The following CHRNE variants were observed in gnomAD, a reference collection of about 807,000 sequenced individuals.
CHRNE encodes acetylcholine receptor subunit epsilon.
Under a neutral mutation model 56.5 loss-of-function variants are expected in CHRNE, and 58 were observed. The ratio of observed to expected loss-of-function variants is 1.03; its 90% CI spans 0.83 to 1.28. CHRNE has a LOEUF of 1.28. Among genes scored for constraint, CHRNE ranks in the 50% most tolerant of loss-of-function variants. The pLI, the probability that CHRNE is intolerant of heterozygous loss-of-function variation, is 0.00. For synonymous variants in CHRNE, 385 were observed against 297.9 expected (o/e 1.29, Z -3.01); for missense variants, 793 against 688.9 (o/e 1.15, Z -1.69).
At chr17:4,901,752 C>T in intron 5 of CHRNE, 127 bp from the exon 6 acceptor site, 2 of 1,243,708 alleles carry the variant, frequency 1.6e-6, no homozygotes, top group African/African-American at 1.5e-5. Context: ...CAAGCCCAGC[C>T]CGCACGCCTC....
rs1969853139 is a variant in CHRNE, at chr17:4,899,268, C to T, written c.1149G>A (p.Glu383=). 1.2e-6 allele frequency: 2 copies of T among 1,603,272 alleles called. No homozygotes were observed. Among genetic ancestry groups the T allele is most frequent in the Admixed American group, 1.7e-5 (1 of 59,888 alleles). ...SSVGLLLRAE[E]LILKKPRSEL... ...CGCTCCGTGGCTTTTTCAGTATCAGCTCCTCCGCGCGGAGCAATAAGCCCA... is the reference window on the plus strand; with the variant it reads ...CGCTCCGTGGCTTTTTCAGTATCAGTTCCTCCGCGCGGAGCAATAAGCCCA... Residue 383 remains glutamate (E), a synonymous_variant, in exon 10 of 12, where the codon GAG becomes GAA. Transcript: ENST00000649488.
At chr17:4,901,360 G>A (rs1422667785) in intron 6 of CHRNE, 165 bp downstream of exon 6, 2 of 941,692 alleles carry the variant, frequency 2.1e-6, no homozygotes, top group African/African-American at 3.2e-5. Flanking sequence ...AAGCCAGAAG[G>A]CAGGACTAGA....
chr17:4,899,793 C>T lies in CHRNE; in HGVS notation c.918-211G>A, dbSNP rs757103797. On this transcript the variant is annotated intron_variant, in intron 8 of 11. Transcript: ENST00000649488. ...GGGGACCCCCAGCTCCCTGGACACC[C>T]TGATGTGGATCTACCACTTCCACAG... 1.9e-5 allele frequency: 29 copies of T among 1,551,234 alleles called. No homozygotes were observed. In the African/African-American group the frequency reaches 3.1e-4, roughly 17 times the overall value.
In CHRNE at chr17:4,902,299, T is replaced by G. The variant is rs1376297750; in HGVS notation, c.262A>C (p.Ser88Arg). ...TCTATACCCCCAAAGTCGTCCTTGC[T>G]GTAGTTGAGTCGGTAATCCTGCCAA... ...IDWQDYRLNYSKDDFGGIETL... is the reference protein window; with the variant it reads ...IDWQDYRLNYRKDDFGGIETL... Residue 88 changes from serine (S) to arginine (R), a missense_variant, in exon 4 of 12, where the codon AGC becomes CGC. By Grantham distance (110) the Ser-to-Arg change is moderately radical (BLOSUM62 -1). Coordinates refer to ENST00000649488, the MANE Select transcript of CHRNE (RefSeq NM_000080.4). The surrounding 1 kb of genome is among the most constrained non-coding windows in gnomAD (Gnocchi z 4.0). The G allele has an allele frequency of 4.3e-6, 7 of 1,614,146 alleles. No homozygotes were observed. Among genetic ancestry groups the G allele is most frequent in the Non-Finnish European group, 5.9e-6 (7 of 1,180,002 alleles).
chr17:4,901,195 G>A lies in CHRNE; in HGVS notation c.602-5C>T, dbSNP rs764599384. 3.1e-6 allele frequency: 5 copies of A among 1,601,174 alleles called. No homozygotes were observed. Among genetic ancestry groups the A allele is most frequent in the Non-Finnish European group, 4.2e-6 (5 of 1,177,894 alleles). On this transcript the variant is annotated splice_region_variant and splice_polypyrimidine_tract_variant and intron_variant, in intron 6 of 11. Coordinates refer to ENST00000649488, the MANE Select transcript of CHRNE (RefSeq NM_000080.4). ...CGATGGCCCACTCGCCGTTCTCTGC[G>A]GGACGGGGGCACGGTCAGCTGGCTG... is the stretch of plus-strand genomic sequence containing the variant.
chr17:4,899,338 G>A lies in CHRNE; in HGVS notation c.1079C>T (p.Pro360Leu). ...LPRLLGSPPP[P>L]EAPRAASPPR... The stretch of plus-strand genomic sequence containing the variant: ...GGGCGAGGCGGCCCGGGGGGCCTCG[G>A]GCGGCGGCGGGGAGCCCAGGAGGCG... The change falls in exon 10 of 12, where the codon CCC becomes CTC. Residue 360 changes from proline (P) to leucine (L), a missense_variant. By Grantham distance (98) the Pro-to-Leu change is moderately conservative (BLOSUM62 -3). Coordinates refer to ENST00000649488, the MANE Select transcript of CHRNE (RefSeq NM_000080.4). 6.5e-7 allele frequency: 1 copy of A among 1,548,036 alleles called. No homozygotes were observed. The highest frequency in any genetic ancestry group is 1.2e-5 in the South Asian group (1 of 85,482).
chr17:4,902,150 C>T lies in CHRNE; in HGVS notation c.345-63G>A. 5 of 1,613,344 alleles carry T rather than the reference C, an allele frequency of 3.1e-6. No individual in the cohort carries two copies. The highest frequency in any genetic ancestry group is 4.5e-5 in the East Asian group (2 of 44,816). On this transcript the variant is annotated intron_variant, in intron 4 of 11. Coordinates refer to ENST00000649488, the MANE Select transcript of CHRNE (RefSeq NM_000080.4). This position sits in a 1 kb window ranked among gnomAD's most constrained non-coding sequence, Gnocchi z 4.0. ...TGCACCCTCTCAGAGTACCCCCTTC[C>T]CCAACCAAGTCCAGCCCGCACCCCA... is the stretch of plus-strand genomic sequence containing the variant.
Position 4,902,535 on chromosome 17 carries a change from G to C in CHRNE, c.190-41C>G. 1 of 1,614,088 alleles carries C rather than the reference G, an allele frequency of 6.2e-7. No individual in the cohort carries two copies. The highest frequency in any genetic ancestry group is 8.5e-7 in the Non-Finnish European group (1 of 1,179,974). ...GGGGATGATTGAAGTGAGATTTCAG[G>C]GCCAGAAGTGAGCTTTAGGACAGAG... On this transcript the variant is annotated intron_variant, in intron 2 of 11. Coordinates refer to ENST00000649488, the MANE Select transcript of CHRNE (RefSeq NM_000080.4). The surrounding 1 kb of genome is among the most constrained non-coding windows in gnomAD (Gnocchi z 4.0).
chr17:4,903,101 C>A (rs994375001), upstream of CHRNE: 10 of 1,612,870 alleles, frequency 6.2e-6, no homozygotes, highest in African/African-American at 4.0e-5. Flanking sequence ...TGAGCTCTGG[C>A]AGGCTTGGAG....
In CHRNE at chr17:4,899,273, C is replaced by T. The variant is rs1308581878; in HGVS notation, c.1144G>A (p.Glu382Lys). The change falls in exon 10 of 12, where the codon GAG becomes AAG. Residue 382 changes from glutamate (E) to lysine (K), a missense_variant. Glu to Lys is a moderately conservative substitution (Grantham distance 56). Coordinates refer to ENST00000649488, the MANE Select transcript of CHRNE (RefSeq NM_000080.4). ...CGTGGCTTTTTCAGTATCAGCTCCT[C>T]CGCGCGGAGCAATAAGCCCACCGAC... is the stretch of plus-strand genomic sequence containing the variant. Reference protein sequence around the residue: ...ASSVGLLLRAEELILKKPRSE... With the variant: ...ASSVGLLLRAKELILKKPRSE... The T allele has an allele frequency of 3.7e-6, 6 of 1,601,984 alleles. No individual in the cohort carries two copies. Among genetic ancestry groups the T allele is most frequent in the Non-Finnish European group, 5.1e-6 (6 of 1,178,524 alleles).
rs768869197 is a variant in CHRNE, at chr17:4,899,296, G to T, written c.1121C>A (p.Ser374Ter). The T allele has an allele frequency of 2.5e-6, 4 of 1,594,420 alleles. No homozygotes were observed. The highest frequency in any genetic ancestry group is 1.1e-5 in the South Asian group (1 of 89,940). ...RAASPPRRASSVGLLLRAEEL... is the reference protein window; with the variant it reads ...RAASPPRRAS ...CTCCGCGCGGAGCAATAAGCCCACCGACGACGCCCGCCTTGGGGGCGAGGC... is the reference window on the plus strand; with the variant it reads ...CTCCGCGCGGAGCAATAAGCCCACCTACGACGCCCGCCTTGGGGGCGAGGC... The change falls in exon 10 of 12, where the codon TCG (serine) becomes TAG (stop). Residue 374 changes from serine to a stop codon, truncating the protein, a stop_gained. Coordinates refer to ENST00000649488, the MANE Select transcript of CHRNE (RefSeq NM_000080.4). LOFTEE classifies it high-confidence loss of function.
chr17:4,898,869 A>G lies in CHRNE; in HGVS notation c.1349T>C (p.Met450Thr). The G allele has an allele frequency of 6.3e-7, 1 of 1,585,922 alleles. No individual in the cohort carries two copies. Among genetic ancestry groups the G allele is most frequent in the Non-Finnish European group, 8.6e-7 (1 of 1,166,666 alleles). The change falls in exon 12 of 12, where the codon ATG (methionine) becomes ACG (threonine). Residue 450 changes from methionine (M) to threonine (T), a missense_variant. Physicochemically the swap from Met to Thr is moderately conservative, Grantham distance 81. Coordinates refer to ENST00000649488, the MANE Select transcript of CHRNE (RefSeq NM_000080.4). ...GCAGATGTTGTCAAGGGCATTCCCC[A>G]TGCGCACCCAGTCGGACACTTCCTG... is the stretch of plus-strand genomic sequence containing the variant. ...TGEEVSDWVR[M>T]GNALDNICFW...
In CHRNE at chr17:4,901,182, C is replaced by G; in HGVS notation, c.610G>C (p.Glu204Gln). ...IDTEAYTENGEWAIDFCPGVI... is the reference protein window; with the variant it reads ...IDTEAYTENGQWAIDFCPGVI... ...CCCGGGCAGAAGTCGATGGCCCACT[C>G]GCCGTTCTCTGCGGGACGGGGGCAC... The change falls in exon 7 of 12, where the codon GAG (glutamate) becomes CAG (glutamine). Residue 204 changes from glutamate (E) to glutamine (Q), a missense_variant. Glu to Gln is a conservative substitution (Grantham distance 29). Transcript: ENST00000649488. 6.2e-7 allele frequency: 1 copy of G among 1,604,858 alleles called. No individual in the cohort carries two copies.
chr17:4,898,664 T>G lies in CHRNE; in HGVS notation c.*72A>C. 1 of 1,539,666 alleles carries G rather than the reference T, an allele frequency of 6.5e-7. No individual in the cohort carries two copies. The highest frequency in any genetic ancestry group is 8.8e-7 in the Non-Finnish European group (1 of 1,136,806). Reference sequence around the variant, plus strand: ...GCAGGGGGAAGGGATCATAATGCCGTGGTGGCGGCAGCCTACTTTTTCAAA... The same window carrying G: ...GCAGGGGGAAGGGATCATAATGCCGGGGTGGCGGCAGCCTACTTTTTCAAA... On this transcript the variant is annotated 3_prime_UTR_variant, in exon 12 of 12. Coordinates refer to ENST00000649488, the MANE Select transcript of CHRNE (RefSeq NM_000080.4).
intron 8 of CHRNE, chr17:4,900,508 T>TGA: frequency 1.3e-6 from 2 of 1,550,784 alleles, no homozygotes; most frequent in Admixed American, 2.0e-5. Flanking sequence ...GGAGAACCGG[T>TGA]GAGCTCAGGA....
At chr17:4,906,855 T>C (rs991006731), upstream of CHRNE, among the ~76,000 whole-genome samples, 1 of 152,084 alleles carries the variant, frequency 6.6e-6, no homozygotes, top group Non-Finnish European at 1.5e-5. Flanking sequence ...TGGAGCACCA[T>C]TCACCCATAA....
Position 4,899,695 on chromosome 17 carries a change from G to A in CHRNE, c.918-113C>T. 2.0e-6 allele frequency: 3 copies of A among 1,478,420 alleles called. No homozygotes were observed. In the South Asian group the frequency reaches 3.6e-5, roughly 18 times the overall value. The allele number at this position is 1,478,420 out of a possible 1,614,324, so 91.6% of individuals were successfully genotyped here. A position where few individuals can be genotyped will look rare whatever the true frequency, so the allele number is the denominator to read the frequency against. On this transcript the variant is annotated intron_variant, in intron 8 of 11. Transcript: ENST00000649488. ...TGGTACGGGCTGGTTACGCCCTCCA[G>A]CTGCGCCCCCTACACGACGACAGAC... is the stretch of plus-strand genomic sequence containing the variant.
chr17:4,898,744 G>A lies in CHRNE; in HGVS notation c.1474C>T (p.Gln492Ter), dbSNP rs755963482. 16 of 1,610,990 alleles carry A rather than the reference G, an allele frequency of 9.9e-6. No homozygotes were observed. Among genetic ancestry groups the A allele is most frequent in the Non-Finnish European group, 1.2e-5 (14 of 1,179,030 alleles). The change falls in exon 12 of 12, where the codon CAG becomes TAG. Residue 492 changes from glutamine (Q) to a stop codon, truncating the protein, a stop_gained. Transcript: ENST00000649488. LOFTEE classifies it high-confidence loss of function. ...VPDLPYAPCI[Q>*]P The stretch of plus-strand genomic sequence containing the variant: ...ATTGAAGTCGGTGCGAGCTAAGGCT[G>A]GATACACGGCGCGTAGGGGAGATCA...
At position 4,899,218 on chromosome 17, in the gene CHRNE, T is replaced by G; in HGVS notation, c.1199A>C (p.His400Pro). 1 of 1,606,428 alleles carries G rather than the reference T, an allele frequency of 6.2e-7. No individual in the cohort carries two copies. Among genetic ancestry groups the G allele is most frequent in the Non-Finnish European group, 8.5e-7 (1 of 1,178,582 alleles). ...CTCACCCGTCCAGGTCCCCTGCCGG[T>G]GCCTCTGCCCCTCAAACACGAGCTC... ...RSELVFEGQR[H>P]RQGTWTAAFC... Residue 400 changes from histidine (H) to proline (P), a missense_variant, in exon 10 of 12, where the codon CAC becomes CCC. His to Pro is a moderately conservative substitution (Grantham distance 77). Coordinates refer to ENST00000649488, the MANE Select transcript of CHRNE (RefSeq NM_000080.4).
Sources: allele counts gnomAD v4.1 joint callset (sites outside exome capture counted in the v4.1 genomes callset), GRCh38; gene constraint gnomAD v4.1.1; non-coding constraint Gnocchi (gnomAD v3.1); transcripts MANE v1.5; gene names NCBI Gene and HGNC (gene_info 2026-07-23, HGNC 2026-07-21).